Variants in NRCAM observed in about 807,000 individuals in gnomAD.
NRCAM encodes the protein neuronal cell adhesion molecule.
NRCAM carries 83 observed loss-of-function variants against 156.5 expected under a neutral mutation model. That is an observed-to-expected ratio of 0.53 (90% confidence interval 0.44 to 0.64). The LOEUF is 0.64. Among genes scored for constraint, NRCAM ranks in the 30% least tolerant of loss-of-function variants. NRCAM has a pLI of 0.00. For missense variants in NRCAM, 1,417 were observed against 1,597.3 expected (o/e 0.89, Z 1.92); for synonymous variants, 538 against 563.9 (o/e 0.95, Z 0.65).
intron 3 of NRCAM, among the ~76,000 whole-genome samples, chr7:108,277,945 T>C (rs1335494809): frequency 6.6e-6 from 1 of 152,226 alleles, no homozygotes; most frequent in Non-Finnish European, 1.5e-5. Context: ...TTTTCATTGA[T>C]GTTGATGCTA....
Position 108,176,571 on chromosome 7 carries a change from A to G in NRCAM, c.3010T>C (p.Leu1004=). The G allele has an allele frequency of 6.2e-7, 1 of 1,613,680 alleles. No individual in the cohort carries two copies. The highest frequency in any genetic ancestry group is 8.5e-7 in the Non-Finnish European group (1 of 1,179,812). The change falls in exon 27 of 33, where the codon TTG becomes CTG. Residue 1004 remains leucine, a synonymous_variant. Coordinates refer to ENST00000379028, the MANE Select transcript of NRCAM (RefSeq NM_001037132.4). ...CGTGTCTTGTTGGCAGGAATTTTCA[A>G]ATCTACCAGAGGGCCTAATTCATGT... The part of the protein sequence containing the change: ...STHELGPLVD[L]KIPANKTRWT...
At chr7:108,277,274 G>A (rs2097672086) in intron 3 of NRCAM, among the ~76,000 whole-genome samples, 1 of 152,128 alleles carries the variant, frequency 6.6e-6, no homozygotes, top group South Asian at 2.1e-4. Flanking sequence ...GAATTTGAAT[G>A]TTGGCCTACC....
At position 108,148,978 on chromosome 7, in the gene NRCAM, A is replaced by C. The variant is rs1336032850; in HGVS notation, c.*932T>G. On this transcript the variant is annotated 3_prime_UTR_variant, in exon 33 of 33. Coordinates refer to ENST00000379028, the MANE Select transcript of NRCAM (RefSeq NM_001037132.4). ...GTTTTCATGAACTCTGCTTTTTAAAAGTTACTTTTAGACAATGACAGTAAT... is the reference window on the plus strand; with the variant it reads ...GTTTTCATGAACTCTGCTTTTTAAACGTTACTTTTAGACAATGACAGTAAT... 6.6e-6 allele frequency: 1 copy of C among 152,612 alleles called. No homozygotes were observed. The highest frequency in any genetic ancestry group is 2.1e-4 in the South Asian group (1 of 4,832). The allele number at this position is 152,612 out of a possible 1,614,324, so 9.5% of individuals were successfully genotyped here. A position where few individuals can be genotyped will look rare whatever the true frequency, so the allele number is the denominator to read the frequency against.
chr7:108,335,050 A>G (rs1380103410), intron 2 of NRCAM, among the ~76,000 whole-genome samples: 2 of 152,226 alleles, frequency 1.3e-5, no homozygotes, highest in African/African-American at 2.4e-5. Flanking sequence ...TAACACTGAT[A>G]TATTTCCAAC....
chr7:108,444,004 T>C (rs998660529), intron 1 of NRCAM, among the ~76,000 whole-genome samples: 2 of 152,036 alleles, frequency 1.3e-5, no homozygotes, highest in African/African-American at 4.8e-5. Context: ...AGGGATACAA[T>C]TGGCCTTCTG....
chr7:108,180,507 T>C lies in NRCAM; in HGVS notation c.2647-80A>G, dbSNP rs2062856913. The C allele has an allele frequency of 8.6e-6, 10 of 1,161,210 alleles. No individual in the cohort carries two copies. The East Asian group carries it at 2.2e-4, about 25-fold the overall frequency. The allele number at this position is 1,161,210 out of a possible 1,614,324, so 71.9% of individuals were successfully genotyped here. On this transcript the variant is annotated intron_variant, in intron 24 of 32. Transcript: ENST00000379028. ...TATGCTCACAAAATTGAAACTGTTG[T>C]TTTTCCAGAAAATTCCGTTGGTATA...
intron 3 of NRCAM, among the ~76,000 whole-genome samples, chr7:108,291,711 A>C (rs1287606027): frequency 6.6e-6 from 1 of 152,182 alleles, no homozygotes; most frequent in Non-Finnish European, 1.5e-5. Context: ...AGAGCGACAG[A>C]GAGAGAAGAG....
chr7:108,395,075 G>T (rs75119360), intron 2 of NRCAM, among the ~76,000 whole-genome samples: 6,657 of 152,256 alleles, frequency 0.044, 213 homozygotes, highest in East Asian at 0.11. Flanking sequence ...ATTAGGGCAT[G>T]AATTAGAAAT....
intron 2 of NRCAM, among the ~76,000 whole-genome samples, chr7:108,351,990 G>A (rs2099416056): frequency 6.6e-6 from 1 of 151,994 alleles, no homozygotes. Flanking sequence ...GGGCCTTGGG[G>A]ACCCCTCTCA....
chr7:108,160,626 G>A, intron 30 of NRCAM, 134 bp from the exon 31 acceptor site: 1 of 598,854 alleles, frequency 1.7e-6, no homozygotes, highest in Non-Finnish European at 2.7e-6. Flanking sequence ...ATTAGGATCT[G>A]TCAATTATTA....
chr7:108,179,304 C>A (rs1420693130), intron 25 of NRCAM, among the ~76,000 whole-genome samples: 1 of 152,132 alleles, frequency 6.6e-6, no homozygotes, highest in East Asian at 1.9e-4. Context: ...AGATTGACGA[C>A]AAAAACTTAC....
At chr7:108,164,986 G>A (rs2052918038) in intron 30 of NRCAM, among the ~76,000 whole-genome samples, 2 of 152,298 alleles carry the variant, frequency 1.3e-5, no homozygotes, top group Middle Eastern at 3.4e-3. Context: ...GACAACAAAT[G>A]CTACAACTTG....
chr7:108,424,628 C>T, intron 1 of NRCAM, among the ~76,000 whole-genome samples: 1 of 152,156 alleles, frequency 6.6e-6, no homozygotes, highest in East Asian at 1.9e-4. Context: ...CCTATCTACA[C>T]CTGGAGTGCA....
chr7:108,415,482 T>C (rs1800406427), intron 1 of NRCAM, among the ~76,000 whole-genome samples: 1 of 152,196 alleles, frequency 6.6e-6, no homozygotes, highest in Admixed American at 6.5e-5. Flanking sequence ...GGGGCTTAGA[T>C]CTGATGCAAT....
intron 2 of NRCAM, among the ~76,000 whole-genome samples, chr7:108,343,601 C>A (rs2099318850): frequency 6.6e-6 from 1 of 152,172 alleles, no homozygotes; most frequent in Non-Finnish European, 1.5e-5. Flanking sequence ...GAATGGGGAA[C>A]CTCATGAGGA....
Position 108,441,509 on chromosome 7 carries a change from T to TG in NRCAM, c.-332+14733dup, listed in dbSNP as rs531589906. Among the ~76,000 whole-genome samples the TG allele has an allele frequency of 7.2e-5, 11 of 152,342 alleles. No individual in the cohort carries two copies. In the South Asian group the frequency reaches 2.3e-3, roughly 32 times the overall value. On this transcript the variant is annotated intron_variant, in intron 1 of 32. Coordinates refer to ENST00000379028, the MANE Select transcript of NRCAM (RefSeq NM_001037132.4). Reference sequence around the variant, plus strand: ...CTATACAACATTCCCCTTAGAAGTTTGGGTCATAACTGTAACTCTCACCAT... The same window carrying TG: ...CTATACAACATTCCCCTTAGAAGTTTGGGGTCATAACTGTAACTCTCACCAT...
chr7:108,154,532 G>A (rs1351176757), intron 32 of NRCAM, among the ~76,000 whole-genome samples: 1 of 147,818 alleles, frequency 6.8e-6, no homozygotes, highest in Non-Finnish European at 1.5e-5. Context: ...CAGCTTAACG[G>A]CTGTGGTGGA....
intron 30 of NRCAM, among the ~76,000 whole-genome samples, chr7:108,161,010 A>G (rs1774604398): frequency 6.6e-6 from 1 of 152,236 alleles, no homozygotes; most frequent in South Asian, 2.1e-4. Context: ...AACGGTCCAC[A>G]CAAGAAACCT....
chr7:108,226,508 TTTGG>T, intron 8 of NRCAM, 130 bp from the exon 9 acceptor site: 2 of 512,228 alleles, frequency 3.9e-6, no homozygotes, highest in Non-Finnish European at 6.6e-6. Flanking sequence ...TATATAGCTC[TTTGG>T]GTAAAAGCAA....
Sources: gnomAD v4.1 joint callset for allele counts (sites outside exome capture counted in the v4.1 genomes callset) on GRCh38, gnomAD v4.1.1 for gene constraint, MANE v1.5 for transcripts, NCBI Gene and HGNC (gene_info 2026-07-23, HGNC 2026-07-21) for gene names.